The following TRPC1 variants were observed in gnomAD, a reference collection of about 807,000 sequenced individuals.
The protein encoded by TRPC1 is short transient receptor potential channel 1.
A neutral mutation model predicts 88.2 loss-of-function variants in TRPC1; 42 were observed. That is an observed-to-expected ratio of 0.48 (90% confidence interval 0.37 to 0.62). TRPC1 has a LOEUF of 0.62. TRPC1 is among the 20% of genes least tolerant of loss of function. TRPC1 has a pLI of 0.00. For synonymous variants in TRPC1, 288 were observed against 331.8 expected (o/e 0.87, Z 1.43); for missense variants, 699 against 957.3 (o/e 0.73, Z 3.56).
Position 142,806,157 on chromosome 3 carries a change from G to A in TRPC1, c.2304G>A (p.Leu768=). The A allele has an allele frequency of 1.2e-6, 2 of 1,613,776 alleles. No individual in the cohort carries two copies. The highest frequency in any genetic ancestry group is 1.7e-6 in the Non-Finnish European group (2 of 1,179,800). The change falls in exon 13 of 13, where the codon CTG becomes CTA. Residue 768 remains leucine, a synonymous_variant. Transcript: ENST00000476941. The stretch of plus-strand genomic sequence containing the variant: ...ATCTAAACGAACTGCGCCAAGATCT[G>A]TCAAAATTCCGAAATGAAATAAGGG... ...VENLNELRQD[L]SKFRNEIRDL...
intron 3 of TRPC1, among the ~76,000 whole-genome samples, chr3:142,747,349 A>G (rs1934595609): frequency 6.6e-6 from 1 of 152,226 alleles, no homozygotes; most frequent in Admixed American, 6.5e-5. Context: ...TTGCAAAAAA[A>G]AAGTAAGTAT....
At position 142,806,794 on chromosome 3, in the gene TRPC1, T is replaced by TTATG. The variant is rs1360065569; in HGVS notation, c.*561_*564dup. On this transcript the variant is annotated 3_prime_UTR_variant, in exon 13 of 13. Transcript: ENST00000476941. ...AAAAAACCCTAATATTTGAATCTAT[T>TTATG]TATGTCTTTCAATTTAAATTCACTT... The TTATG allele has an allele frequency of 1.3e-5, 2 of 152,070 alleles. No homozygotes were observed. Among genetic ancestry groups the TTATG allele is most frequent in the Non-Finnish European group, 2.9e-5 (2 of 67,982 alleles). The allele number at this position is 152,070 out of a possible 1,614,324, so 9.4% of individuals were successfully genotyped here. A position where few individuals can be genotyped will look rare whatever the true frequency, so the allele number is the denominator to read the frequency against.
intron 9 of TRPC1, among the ~76,000 whole-genome samples, chr3:142,795,760 A>G (rs1297906003): frequency 1.3e-5 from 2 of 152,116 alleles, no homozygotes; most frequent in Non-Finnish European, 2.9e-5. Flanking sequence ...ATAGGGGAAT[A>G]TGGATCTAAA....
intron 3 of TRPC1, among the ~76,000 whole-genome samples, chr3:142,744,838 A>C (rs1168742133): frequency 1.3e-5 from 2 of 152,192 alleles, no homozygotes; most frequent in African/African-American, 4.8e-5. Context: ...ATCAAATTTT[A>C]AACATGATAA....
At chr3:142,770,785 T>G (rs1935549015) in intron 4 of TRPC1, among the ~76,000 whole-genome samples, 1 of 152,232 alleles carries the variant, frequency 6.6e-6, no homozygotes, top group Non-Finnish European at 1.5e-5. Context: ...TAGTGCTGTC[T>G]TTTGCATTGA....
rs539259953 is a variant in TRPC1, at chr3:142,790,449, G to A, written c.1298-570G>A. On this transcript the variant is annotated intron_variant, in intron 7 of 12. Transcript: ENST00000476941. ...ACATTTGCACTCACAGAACAAAACA[G>A]GCTGAAACCTGGTACTAGGTTTACT... is the stretch of plus-strand genomic sequence containing the variant. Among the ~76,000 whole-genome samples the A allele has an allele frequency of 1.1e-4, 16 of 152,272 alleles. 2 individuals carry two copies. The South Asian group carries it at 3.3e-3, about 32-fold the overall frequency.
chr3:142,773,411 C>A (rs533753226), intron 4 of TRPC1, among the ~76,000 whole-genome samples: 1 of 151,710 alleles, frequency 6.6e-6, no homozygotes, highest in Non-Finnish European at 1.5e-5. Flanking sequence ...TAAATATGCT[C>A]ACAGTACTAA....
intron 4 of TRPC1, among the ~76,000 whole-genome samples, chr3:142,755,457 A>G (rs541177383): frequency 2.0e-5 from 3 of 152,288 alleles, no homozygotes; most frequent in South Asian, 2.1e-4. Flanking sequence ...GCTCTTCGCT[A>G]CAGTGTTAGA....
At chr3:142,797,779 C>T (rs1936498001) in intron 9 of TRPC1, among the ~76,000 whole-genome samples, 2 of 152,014 alleles carry the variant, frequency 1.3e-5, no homozygotes, top group Admixed American at 6.6e-5. Context: ...CCATTTTTTC[C>T]ATTCCTTTTA....
Position 142,724,343 on chromosome 3 carries a change from C to T in TRPC1, c.-217C>T, listed in dbSNP as rs1040620275. 253 of 365,358 alleles carry T rather than the reference C, an allele frequency of 6.9e-4. 2 individuals carry two copies. The highest frequency in any genetic ancestry group is 4.9e-3 in the African/African-American group (234 of 47,530). The allele number at this position is 365,358 out of a possible 1,614,324, so 22.6% of individuals were successfully genotyped here. On this transcript the variant is annotated 5_prime_UTR_variant, in exon 1 of 13. Transcript: ENST00000476941. This position sits in a 1 kb window ranked among gnomAD's most constrained non-coding sequence, Gnocchi z 5.6. ...GGAGGGGTCGCTGGCCCCGGGGCCG[C>T]GCATGCGCCGCCACCAACTTGGGGC...
chr3:142,745,757 A>AT (rs1345811585), intron 3 of TRPC1, among the ~76,000 whole-genome samples: 1 of 151,958 alleles, frequency 6.6e-6, no homozygotes, highest in Non-Finnish European at 1.5e-5. Context: ...CTTTTATTTT[A>AT]TTTTATTTTT....
At chr3:142,749,088 A>G (rs1038519467) in intron 4 of TRPC1, among the ~76,000 whole-genome samples, 11 of 152,216 alleles carry the variant, frequency 7.2e-5, no homozygotes, top group African/African-American at 2.7e-4. Context: ...CATGTGCTAC[A>G]TGACATTTTG....
intron 4 of TRPC1, among the ~76,000 whole-genome samples, chr3:142,750,886 G>A (rs1021821208): frequency 1.3e-5 from 2 of 152,050 alleles, no homozygotes; most frequent in African/African-American, 2.4e-5. Flanking sequence ...ACCATGGCAC[G>A]TGTATACCTA....
rs1933602979 is a variant in TRPC1, at chr3:142,724,816, A to G, written c.172+85A>G. ...CCCCCGCCTCAACTTATATCGGGGCATTCCCTCTGTCTCAGGCGCCGAGTG... is the reference window on the plus strand; with the variant it reads ...CCCCCGCCTCAACTTATATCGGGGCGTTCCCTCTGTCTCAGGCGCCGAGTG... On this transcript the variant is annotated intron_variant, in intron 1 of 12. Transcript: ENST00000476941. The surrounding 1 kb of genome is among the most constrained non-coding windows in gnomAD (Gnocchi z 5.6). The G allele has an allele frequency of 2.1e-6, 3 of 1,411,652 alleles. No individual in the cohort carries two copies. Among genetic ancestry groups the G allele is most frequent in the Non-Finnish European group, 2.8e-6 (3 of 1,072,148 alleles). The allele number at this position is 1,411,652 out of a possible 1,614,324, so 87.4% of individuals were successfully genotyped here.
intron 7 of TRPC1, among the ~76,000 whole-genome samples, chr3:142,790,619 GC>G (rs553557880): frequency 3.9e-5 from 6 of 152,114 alleles, no homozygotes; most frequent in Non-Finnish European, 7.4e-5. Flanking sequence ...CAGGGACTGA[GC>G]CCCTTGTGCG....
chr3:142,777,816 A>T, intron 5 of TRPC1, 53 bp downstream of exon 5: 1 of 1,523,972 alleles, frequency 6.6e-7, no homozygotes, highest in Non-Finnish European at 8.9e-7. Flanking sequence ...CTTCAACCTC[A>T]GTTTCTTCAT....
At chr3:142,742,121 C>T (rs1294546521) in intron 2 of TRPC1, among the ~76,000 whole-genome samples, 1 of 151,250 alleles carries the variant, frequency 6.6e-6, no homozygotes, top group Non-Finnish European at 1.5e-5. Flanking sequence ...CAAGATTGTG[C>T]CACTGCACTC....
In TRPC1 at chr3:142,736,463, A is replaced by T; in HGVS notation, c.257A>T (p.Asn86Ile). ...NINCVDVLGR[N>I]AVTITIENEN... ...AATTGCGTAGATGTGCTTGGGAGAAATGCTGTTACCATAACTATTGAAAAC... is the reference window on the plus strand; with the variant it reads ...AATTGCGTAGATGTGCTTGGGAGAATTGCTGTTACCATAACTATTGAAAAC... The change falls in exon 2 of 13, where the codon AAT (asparagine) becomes ATT (isoleucine). Residue 86 changes from asparagine to isoleucine, a missense_variant. This residue lies in a region of TRPC1 where 157 missense variants were observed against 127.0 expected (regional missense o/e 1.24). Transcript: ENST00000476941. 6.2e-7 allele frequency: 1 copy of T among 1,612,932 alleles called. No individual in the cohort carries two copies. The highest frequency in any genetic ancestry group is 1.1e-5 in the South Asian group (1 of 90,878).
At chr3:142,803,737 A>G (rs2108166740) in intron 10 of TRPC1, among the ~76,000 whole-genome samples, 1 of 152,348 alleles carries the variant, frequency 6.6e-6, no homozygotes, top group African/African-American at 2.4e-5. Flanking sequence ...TGCCTTGTTG[A>G]GAACAGAAAG....
Sources: allele counts gnomAD v4.1 joint callset (sites outside exome capture counted in the v4.1 genomes callset), GRCh38; gene constraint gnomAD v4.1.1; regional missense constraint gnomAD v4.1.1; non-coding constraint Gnocchi (gnomAD v3.1); transcripts MANE v1.5; gene names NCBI Gene and HGNC (gene_info 2026-07-23, HGNC 2026-07-21).